The following NUP98 variants were observed in gnomAD, a reference collection of about 807,000 sequenced individuals.
The protein encoded by NUP98 is nuclear pore complex protein Nup98-Nup96.
Under a neutral mutation model 191.9 loss-of-function variants are expected in NUP98, and 26 were observed. That is an observed-to-expected ratio of 0.14 (90% CI 0.10 to 0.19). NUP98 has a LOEUF of 0.19. NUP98 is among the 10% of genes least tolerant of loss of function. NUP98 has a pLI of 1.00. For missense variants in NUP98, 1,941 were observed against 2,178.8 expected, an observed-to-expected ratio of 0.89 and a Z score of 2.17; for synonymous variants, 808 against 778.4, an observed-to-expected ratio of 1.04 and a Z score of -0.63.
chr11:3,740,834 T>C (rs2080256860), intron 12 of NUP98, among the ~76,000 whole-genome samples: 1 of 151,188 alleles, frequency 6.6e-6, no homozygotes, highest in Non-Finnish European at 1.5e-5. Context: ...ATTTTTTTTT[T>C]TGGAGACAGA....
chr11:3,774,735 G>A (rs1439139423), intron 5 of NUP98, among the ~76,000 whole-genome samples: 1 of 151,892 alleles, frequency 6.6e-6, no homozygotes, highest in Non-Finnish European at 1.5e-5. Flanking sequence ...ATGGAAACCT[G>A]TTTTTCCCCG....
At chr11:3,719,287 GAC>G in intron 18 of NUP98, 123 bp downstream of exon 18, 3 of 634,572 alleles carry the variant, frequency 4.7e-6, no homozygotes, top group Non-Finnish European at 7.9e-6. Context: ...TCAAAGTAGA[GAC>G]AATAAATGTA....
In NUP98 at chr11:3,676,190, T is replaced by C. The variant is rs1421935292; in HGVS notation, c.5372A>G (p.Tyr1791Cys). The change falls in exon 33 of 33, where the codon TAT becomes TGT. Residue 1791 changes from tyrosine to cysteine, a missense_variant. Tyr to Cys is a radical substitution (Grantham distance 194, BLOSUM62 -2). This residue lies in a region of NUP98 where 1,030 missense variants were observed against 1,115.8 expected (regional missense o/e 0.92). Coordinates refer to ENST00000324932, the MANE Select transcript of NUP98 (RefSeq NM_016320.5). ...MDELRSLTQSYLRELAVGSL is the reference protein window; with the variant it reads ...MDELRSLTQSCLRELAVGSL ...GCTCCCAACAGCCAGTTCTCGCAGATAGGACTGGGTAAGGCTGCGCAGTTC... is the reference window on the plus strand; with the variant it reads ...GCTCCCAACAGCCAGTTCTCGCAGACAGGACTGGGTAAGGCTGCGCAGTTC... 7 of 1,614,074 alleles carry C rather than the reference T, an allele frequency of 4.3e-6. No individual in the cohort carries two copies. Among genetic ancestry groups the C allele is most frequent in the Non-Finnish European group, 5.9e-6 (7 of 1,180,010 alleles).
chr11:3,734,522 T>G (rs964510507), intron 13 of NUP98, among the ~76,000 whole-genome samples: 1 of 152,182 alleles, frequency 6.6e-6, no homozygotes. Flanking sequence ...GAAACAAATT[T>G]AGGGAGGCAA....
intron 1 of NUP98, among the ~76,000 whole-genome samples, chr11:3,790,766 C>A (rs1332058921): frequency 2.0e-5 from 3 of 152,104 alleles, no homozygotes; most frequent in African/African-American, 7.2e-5. Flanking sequence ...CAGCACAATT[C>A]TTTTTAATTC....
At chr11:3,697,802 CACAG>C (rs1447704304) in intron 25 of NUP98, among the ~76,000 whole-genome samples, 18 of 115,220 alleles carry the variant, frequency 1.6e-4, no homozygotes, top group African/African-American at 5.0e-4. Flanking sequence ...CTGGTAAACA[CACAG>C]ACAGACTCTG....
chr11:3,680,781 C>G (rs1390696201), intron 30 of NUP98, among the ~76,000 whole-genome samples: 1 of 152,090 alleles, frequency 6.6e-6, no homozygotes, highest in Non-Finnish European at 1.5e-5. Context: ...CTACTGAGCT[C>G]AAGAGATCCA....
chr11:3,705,009 A>G (rs922232876), intron 22 of NUP98, among the ~76,000 whole-genome samples, 191 bp downstream of exon 22: 5 of 152,246 alleles, frequency 3.3e-5, no homozygotes, highest in Admixed American at 2.6e-4. Context: ...CCCTGTCTCT[A>G]AAAACAAAAA....
intron 20 of NUP98, among the ~76,000 whole-genome samples, chr11:3,708,689 C>CAG (rs2078937476): frequency 6.6e-6 from 1 of 150,802 alleles, no homozygotes; most frequent in East Asian, 1.9e-4. Context: ...GATCAGGTAC[C>CAG]CTTTTTAGGC....
chr11:3,778,092 G>C (rs1456537510), intron 4 of NUP98, among the ~76,000 whole-genome samples: 1 of 151,362 alleles, frequency 6.6e-6, no homozygotes, highest in Non-Finnish European at 1.5e-5. Context: ...CCAGCTACTC[G>C]GGAGGCTGAG....
chr11:3,693,082 A>T, intron 27 of NUP98, 150 bp downstream of exon 27: 1 of 728,450 alleles, frequency 1.4e-6, no homozygotes. Flanking sequence ...CATGATATTT[A>T]ATAAAATAAA....
intron 22 of NUP98, among the ~76,000 whole-genome samples, chr11:3,704,287 C>G (rs2078794434): frequency 6.6e-6 from 1 of 152,194 alleles, no homozygotes; most frequent in African/African-American, 2.4e-5. Flanking sequence ...GTTCCTCTGG[C>G]TTTCAAAATA....
intron 10 of NUP98, among the ~76,000 whole-genome samples, chr11:3,754,412 G>A (rs1456583275): frequency 1.3e-5 from 2 of 152,096 alleles, no homozygotes; most frequent in Non-Finnish European, 2.9e-5. Context: ...GATAGAGTGA[G>A]ACTCTGTTTC....
rs1164395824 is a variant in NUP98 at position 3,702,277 on chromosome 11, TGA to T, written c.3512+184_3512+185del. On this transcript the variant is annotated intron_variant, in intron 23 of 32. Transcript: ENST00000324932. ...ACACACCGGGGAAACAGAGCAAAAC[TGA>T]GACACACACACACACACACACACAC... Among the ~76,000 whole-genome samples, 5 of 86,518 alleles carry T rather than the reference TGA, an allele frequency of 5.8e-5. No homozygotes were observed. In the Admixed American group the frequency reaches 5.9e-4, roughly 10 times the overall value. 56.8% of individuals were successfully genotyped at this position (86,518 alleles called of 152,430 possible). A position where few individuals can be genotyped will look rare whatever the true frequency, so the allele number is the denominator to read the frequency against.
rs79768363 is a variant in NUP98 at position 3,676,367 on chromosome 11, T to C, written c.5195A>G (p.Lys1732Arg). The C allele has an allele frequency of 1.9e-6, 3 of 1,613,798 alleles. No individual in the cohort carries two copies. Among genetic ancestry groups the C allele is most frequent in the Non-Finnish European group, 2.5e-6 (3 of 1,179,898 alleles). The stretch of plus-strand genomic sequence containing the variant: ...CACGCGCAGCAGGTTGGCTACACGT[T>C]TGGCCATGTCTAGAGAGAAAAACTA... ...KDRLAQSDMAKRVANLLRVVL... is the reference protein window; with the variant it reads ...KDRLAQSDMARRVANLLRVVL... Residue 1732 changes from lysine to arginine, a missense_variant, in exon 33 of 33, where the codon AAA becomes AGA. Transcript: ENST00000324932.
chr11:3,702,782 T>C lies in NUP98; in HGVS notation c.3193A>G (p.Thr1065Ala). The C allele has an allele frequency of 4.3e-6, 7 of 1,614,104 alleles. No individual in the cohort carries two copies. The highest frequency in any genetic ancestry group is 5.9e-6 in the Non-Finnish European group (7 of 1,180,008). Residue 1065 changes from threonine (T) to alanine (A), a missense_variant, in exon 23 of 33, where the codon ACA (threonine) becomes GCA (alanine). This residue lies in a region of NUP98 where 1,030 missense variants were observed against 1,115.8 expected (regional missense o/e 0.92). Coordinates refer to ENST00000324932, the MANE Select transcript of NUP98 (RefSeq NM_016320.5). The stretch of plus-strand genomic sequence containing the variant: ...GGTGGAGGGACAGACCAAGAGGATG[T>C]GGATGGGATATTCATTAAAGATGCT... The part of the protein sequence containing the change: ...RAASLMNIPS[T>A]SSWSVPPPLT...
At chr11:3,775,520 G>C (rs2081686172) in intron 5 of NUP98, among the ~76,000 whole-genome samples, 1 of 150,500 alleles carries the variant, frequency 6.6e-6, no homozygotes, top group Admixed American at 6.6e-5. Flanking sequence ...TGGGCAACAA[G>C]AGCGAAACTC....
Position 3,753,393 on chromosome 11 carries a change from G to C in NUP98, c.1190C>G (p.Thr397Ser), listed in dbSNP as rs61756122. Reference protein sequence around the residue: ...SGGLFGFGTNTSGNSIFGSKP... With the variant: ...SGGLFGFGTNSSGNSIFGSKP... ...ACTTCCAAAAATACTATTCCCACTG[G>C]TATTTGTGCCAAAACCTAGGAAGAC... The change falls in exon 11 of 33, where the codon ACC (threonine) becomes AGC (serine). Residue 397 changes from threonine (T) to serine (S), a missense_variant. By Grantham distance (58) the Thr-to-Ser change is moderately conservative. Around this residue, in one of 6 missense-constraint regions of NUP98, gnomAD observed 181 missense variants for 228.0 expected, o/e 0.79. Transcript: ENST00000324932. The C allele has an allele frequency of 6.2e-5, 100 of 1,613,502 alleles. No homozygotes were observed. In the African/African-American group the frequency reaches 1.2e-3, roughly 19 times the overall value.
In NUP98 at chr11:3,713,805, T is replaced by C; in HGVS notation, c.2577+13A>G. On this transcript the variant is annotated intron_variant, in intron 19 of 32. Transcript: ENST00000324932. ...TAGTTTATAAAAGTCTGAACTGGGT[T>C]AAATGACTATACCTTAAACACCCAA... 1 of 1,607,348 alleles carries C rather than the reference T, an allele frequency of 6.2e-7. No homozygotes were observed. The highest frequency in any genetic ancestry group is 8.5e-7 in the Non-Finnish European group (1 of 1,177,816).
Sources: gnomAD v4.1 joint callset for allele counts (sites outside exome capture counted in the v4.1 genomes callset) on GRCh38, gnomAD v4.1.1 for gene constraint, gnomAD v4.1.1 regional missense constraint, MANE v1.5 for transcripts, NCBI Gene and HGNC (gene_info 2026-07-23, HGNC 2026-07-21) for gene names.